Variants in ARIH1 observed in about 807,000 individuals in gnomAD.
ARIH1 encodes the protein E3 ubiquitin-protein ligase ARIH1.
A neutral mutation model predicts 85.0 loss-of-function variants in ARIH1; 8 were observed. That is an observed-to-expected ratio of 0.09 (90% CI 0.06 to 0.17). ARIH1 has a LOEUF of 0.17. ARIH1 is among the 10% of genes least tolerant of loss of function. The pLI is 1.00. For missense variants in ARIH1, 311 were observed against 718.1 expected, an observed-to-expected ratio of 0.43 and a Z score of 6.48; for synonymous variants, 238 against 253.6, an observed-to-expected ratio of 0.94 and a Z score of 0.59.
rs78412052 is a variant in ARIH1, at chr15:72,514,519, G to A, written c.376-3548G>A. 3.2e-4 allele frequency among the ~76,000 whole-genome samples: 48 copies of A among 151,798 alleles called. No individual in the cohort carries two copies. In the East Asian group the frequency reaches 8.9e-3, roughly 28 times the overall value. On this transcript the variant is annotated intron_variant, in intron 1 of 13. Coordinates refer to ENST00000379887, the MANE Select transcript of ARIH1 (RefSeq NM_005744.5). The stretch of plus-strand genomic sequence containing the variant: ...CTGGGAGTTCGAGACCAGCTTGGGC[G>A]GTATACAAAACCCTGTCGCTACTGA...
intron 1 of ARIH1, among the ~76,000 whole-genome samples, chr15:72,513,481 A>G (rs546590977): frequency 6.6e-6 from 1 of 152,210 alleles, no homozygotes; most frequent in East Asian, 1.9e-4. Flanking sequence ...ATGATGTTAC[A>G]GTTTTTTATT....
chr15:72,499,074 G>A (rs552698329), intron 1 of ARIH1, among the ~76,000 whole-genome samples: 6 of 137,262 alleles, frequency 4.4e-5, no homozygotes, highest in Admixed American at 2.3e-4. Flanking sequence ...TCTGCCTCCC[G>A]GGTTCAAGCC....
At chr15:72,479,780 T>C (rs2063808054) in intron 1 of ARIH1, among the ~76,000 whole-genome samples, 1 of 152,184 alleles carries the variant, frequency 6.6e-6, no homozygotes, top group African/African-American at 2.4e-5. Context: ...GTTCGAAAGC[T>C]GTATTTCACT....
At chr15:72,519,602 G>C (rs1347055851) in intron 2 of ARIH1, among the ~76,000 whole-genome samples, 3 of 145,756 alleles carry the variant, frequency 2.1e-5, no homozygotes, top group Non-Finnish European at 4.5e-5. Flanking sequence ...TCCTGTCTCA[G>C]CCTCCCAAGT....
At chr15:72,495,103 C>CA (rs1567339123) in intron 1 of ARIH1, among the ~76,000 whole-genome samples, 1 of 152,070 alleles carries the variant, frequency 6.6e-6, no homozygotes, top group Non-Finnish European at 1.5e-5. Flanking sequence ...GCCTAAGTGG[C>CA]AAAATTAACC....
At chr15:72,524,242 C>T (rs1266118502) in intron 2 of ARIH1, among the ~76,000 whole-genome samples, 6 of 138,788 alleles carry the variant, frequency 4.3e-5, no homozygotes, top group African/African-American at 8.2e-5. Flanking sequence ...CCACTGTGCC[C>T]GGCCTTTTTT....
intron 2 of ARIH1, among the ~76,000 whole-genome samples, chr15:72,525,132 C>A (rs935381898): frequency 6.6e-6 from 1 of 152,210 alleles, no homozygotes; most frequent in East Asian, 1.9e-4. Flanking sequence ...CTCAAGTGAT[C>A]TGCCCGCCTC....
chr15:72,523,843 G>A (rs1467759833), intron 2 of ARIH1, among the ~76,000 whole-genome samples: 3 of 149,886 alleles, frequency 2.0e-5, no homozygotes, highest in South Asian at 2.1e-4. Context: ...GAAATAAACC[G>A]TTGGCAAATG....
chr15:72,544,951 A>G lies in ARIH1; in HGVS notation c.575A>G (p.Asn192Ser). Residue 192 changes from asparagine to serine, a missense_variant, in exon 3 of 14, where the codon AAC becomes AGC. Physicochemically the swap from Asn to Ser is conservative, Grantham distance 46. Coordinates refer to ENST00000379887, the MANE Select transcript of ARIH1 (RefSeq NM_005744.5). ...QDMPCQICYL[N>S]YPNSYFTGLE... ...ATGCCTTGTCAGATCTGCTACTTGA[A>G]CTACCCTAACTCGGTGAGTATCTGG... 6.2e-7 allele frequency: 1 copy of G among 1,600,328 alleles called. No homozygotes were observed. The highest frequency in any genetic ancestry group is 8.5e-7 in the Non-Finnish European group (1 of 1,170,320).
intron 2 of ARIH1, among the ~76,000 whole-genome samples, chr15:72,543,316 C>T (rs1567351783): frequency 6.6e-6 from 1 of 151,996 alleles, no homozygotes; most frequent in Non-Finnish European, 1.5e-5. Context: ...GAGATGGCGC[C>T]ACTGCACTCC....
chr15:72,534,700 TGCCACATCAAA>T (rs1455845737), intron 2 of ARIH1, among the ~76,000 whole-genome samples: 1 of 152,182 alleles, frequency 6.6e-6, no homozygotes, highest in Non-Finnish European at 1.5e-5. Context: ...TTGTGGTTTC[TGCCACATCAAA>T]GCCATACTCC....
Position 72,518,106 on chromosome 15 carries a change from A to C in ARIH1, c.415A>C (p.Asn139His). Residue 139 changes from asparagine (N) to histidine (H), a missense_variant, in exon 2 of 14, where the codon AAT (asparagine) becomes CAT (histidine). Coordinates refer to ENST00000379887, the MANE Select transcript of ARIH1 (RefSeq NM_005744.5). The part of the protein sequence containing the change: ...TITRILLSHF[N>H]WDKEKLMERY... The stretch of plus-strand genomic sequence containing the variant: ...CACAAGAATACTCCTTAGCCACTTC[A>C]ATTGGGATAAAGAGAAGCTAATGGA... 2 of 1,611,662 alleles carry C rather than the reference A, an allele frequency of 1.2e-6. No homozygotes were observed. The highest frequency in any genetic ancestry group is 1.7e-6 in the Non-Finnish European group (2 of 1,178,228).
At chr15:72,530,593 A>G (rs1284883818) in intron 2 of ARIH1, among the ~76,000 whole-genome samples, 3 of 152,172 alleles carry the variant, frequency 2.0e-5, no homozygotes, top group East Asian at 3.8e-4. Context: ...ACCTTAAACT[A>G]TTTTCTCAAA....
intron 1 of ARIH1, among the ~76,000 whole-genome samples, chr15:72,502,882 T>G (rs1310324010): frequency 6.6e-6 from 1 of 152,178 alleles, no homozygotes; most frequent in Non-Finnish European, 1.5e-5. Flanking sequence ...GAAGCCTCTT[T>G]AAGGGGGAGT....
chr15:72,496,302 A>T (rs1325385525), intron 1 of ARIH1, among the ~76,000 whole-genome samples: 1 of 152,210 alleles, frequency 6.6e-6, no homozygotes, highest in Non-Finnish European at 1.5e-5. Context: ...TCTTACCTAG[A>T]TGTGGTGCTA....
At chr15:72,536,129 T>C (rs911686130) in intron 2 of ARIH1, among the ~76,000 whole-genome samples, 4 of 152,226 alleles carry the variant, frequency 2.6e-5, no homozygotes, top group African/African-American at 9.6e-5. Flanking sequence ...GTAGTGTGGC[T>C]GGAACACCCT....
rs2064377548 is a variant in ARIH1, at chr15:72,600,186, A to T, written c.*16894A>T. 6.6e-6 allele frequency: 1 copy of T among 152,168 alleles called. No individual in the cohort carries two copies. Among genetic ancestry groups the T allele is most frequent in the African/African-American group, 2.4e-5 (1 of 41,442 alleles). 9.4% of individuals were successfully genotyped at this position (152,168 alleles called of 1,614,324 possible). ...GGTGTTGAAAAGTTACCGATGCCTG[A>T]TTCCTCTTCTATGTCCTCAGCCCCC... On this transcript the variant is annotated 3_prime_UTR_variant, in exon 14 of 14. Transcript: ENST00000379887.
In ARIH1 at chr15:72,583,962, A is replaced by G. The variant is rs942395614; in HGVS notation, c.*670A>G. ...AGCAAGCGTGGCACGTGTTTGCATA[A>G]TGTTTAATTACAAAAAAATATTTAT... On this transcript the variant is annotated 3_prime_UTR_variant, in exon 14 of 14. Coordinates refer to ENST00000379887, the MANE Select transcript of ARIH1 (RefSeq NM_005744.5). The G allele has an allele frequency of 4.6e-5, 7 of 152,226 alleles. No homozygotes were observed. Among genetic ancestry groups the G allele is most frequent in the African/African-American group, 1.7e-4 (7 of 41,460 alleles). 9.4% of individuals were successfully genotyped at this position (152,226 alleles called of 1,614,324 possible). A position where few individuals can be genotyped will look rare whatever the true frequency, so the allele number is the denominator to read the frequency against.
chr15:72,591,584 CT>C lies in ARIH1; in HGVS notation c.*8294del, dbSNP rs1319812857. The C allele has an allele frequency of 3.9e-5, 6 of 152,204 alleles. No homozygotes were observed. Among genetic ancestry groups the C allele is most frequent in the African/African-American group, 9.6e-5 (4 of 41,452 alleles). The allele number at this position is 152,204 out of a possible 1,614,324, so 9.4% of individuals were successfully genotyped here. A position where few individuals can be genotyped will look rare whatever the true frequency, so the allele number is the denominator to read the frequency against. The stretch of plus-strand genomic sequence containing the variant: ...AAACACCATTACTTGAATTTCCCAG[CT>C]TCCTTTTACAGGGAGACTTCCTTGC... On this transcript the variant is annotated 3_prime_UTR_variant, in exon 14 of 14. Transcript: ENST00000379887.
Sources: allele counts gnomAD v4.1 joint callset (sites outside exome capture counted in the v4.1 genomes callset), GRCh38; gene constraint gnomAD v4.1.1; transcripts MANE v1.5; gene names NCBI Gene and HGNC (gene_info 2026-07-23, HGNC 2026-07-21).